Variants in CTIF observed in about 807,000 individuals in gnomAD.
CTIF encodes CBP80/20-dependent translation initiation factor.
CTIF carries 21 observed loss-of-function variants against 66.0 expected under a neutral mutation model. The ratio of observed to expected loss-of-function variants is 0.32; its 90% confidence interval spans 0.23 to 0.46. The LOEUF (loss-of-function observed/expected upper bound fraction) is 0.46. CTIF is among the 20% of genes least tolerant of loss of function. The pLI, the probability that CTIF is intolerant of heterozygous loss-of-function variation, is 1.00. For missense variants in CTIF, 739 were observed against 812.7 expected (o/e 0.91, Z 1.10); for synonymous variants, 345 against 326.4 (o/e 1.06, Z -0.62).
At chr18:48,595,176 C>T (rs569554332) in intron 1 of CTIF, among the ~76,000 whole-genome samples, 1 of 152,308 alleles carries the variant, frequency 6.6e-6, no homozygotes, top group African/African-American at 2.4e-5. Context: ...GGCACCTGGG[C>T]TTCTTGTGGC....
intron 3 of CTIF, among the ~76,000 whole-genome samples, chr18:48,647,672 C>G (rs1205796703): frequency 2.0e-5 from 3 of 152,162 alleles, no homozygotes; most frequent in Admixed American, 1.3e-4. Flanking sequence ...TTCCTCAGAA[C>G]CTTACATGGA....
At chr18:48,833,342 G>A (rs2068736310) in intron 10 of CTIF, among the ~76,000 whole-genome samples, 1 of 152,210 alleles carries the variant, frequency 6.6e-6, no homozygotes, top group Non-Finnish European at 1.5e-5. Flanking sequence ...TGGGAGGGTA[G>A]CCGTGTGGGC....
intron 7 of CTIF, among the ~76,000 whole-genome samples, chr18:48,719,859 A>G (rs2092316253): frequency 6.6e-6 from 1 of 152,196 alleles, no homozygotes; most frequent in Non-Finnish European, 1.5e-5. Flanking sequence ...TGCCTTCCGG[A>G]GAAAATGTGT....
At chr18:48,719,726 C>T (rs184000178) in intron 7 of CTIF, among the ~76,000 whole-genome samples, 266 of 152,288 alleles carry the variant, frequency 1.7e-3, no homozygotes, top group African/African-American at 6.2e-3. Flanking sequence ...TCTCATGGTT[C>T]TGTTTACTGC....
chr18:48,814,786 A>G (rs967128890), intron 9 of CTIF, among the ~76,000 whole-genome samples: 7 of 152,208 alleles, frequency 4.6e-5, no homozygotes, highest in African/African-American at 1.2e-4. Context: ...GAGAAGAGAC[A>G]AAGCTGTCAA....
At chr18:48,606,206 TC>T (rs2090197237) in intron 1 of CTIF, among the ~76,000 whole-genome samples, 5 of 152,174 alleles carry the variant, frequency 3.3e-5, no homozygotes, top group Admixed American at 3.3e-4. Flanking sequence ...TCCGTCCCTT[TC>T]CCCCTTCCTC....
At chr18:48,730,392 G>A (rs1208665972) in intron 7 of CTIF, among the ~76,000 whole-genome samples, 1 of 130,272 alleles carries the variant, frequency 7.7e-6, no homozygotes, top group Non-Finnish European at 1.7e-5. Flanking sequence ...GGCTCCTGCT[G>A]TGTGAGGGGC....
chr18:48,777,173 G>A (rs1409435778), intron 9 of CTIF, among the ~76,000 whole-genome samples: 2 of 152,086 alleles, frequency 1.3e-5, no homozygotes, highest in Admixed American at 6.5e-5. Context: ...CACCCGCCTG[G>A]CCCCATTTAC....
chr18:48,770,935 T>C (rs1910048834), intron 9 of CTIF, among the ~76,000 whole-genome samples: 1 of 152,106 alleles, frequency 6.6e-6, no homozygotes, highest in South Asian at 2.1e-4. Context: ...CTTCTAACTT[T>C]ATCCCATCCT....
At chr18:48,780,559 C>T (rs962020592) in intron 9 of CTIF, among the ~76,000 whole-genome samples, 7 of 152,150 alleles carry the variant, frequency 4.6e-5, no homozygotes, top group African/African-American at 1.7e-4. Context: ...TCTGCCGCGT[C>T]GGTTCATGCG....
intron 3 of CTIF, among the ~76,000 whole-genome samples, chr18:48,637,801 C>A (rs299720): frequency 0.29 from 44,171 of 151,796 alleles, 7,892 homozygotes; most frequent in African/African-American, 0.51. Flanking sequence ...ATAAGAGCCC[C>A]GGGGGTGGGG....
intron 1 of CTIF, among the ~76,000 whole-genome samples, chr18:48,603,252 G>A (rs1200061756): frequency 2.0e-5 from 3 of 150,784 alleles, no homozygotes; most frequent in African/African-American, 2.4e-5. Flanking sequence ...ATGGATGAAT[G>A]GATGGATGGA....
At chr18:48,809,245 C>G (rs901940943) in intron 9 of CTIF, among the ~76,000 whole-genome samples, 3 of 152,092 alleles carry the variant, frequency 2.0e-5, no homozygotes, top group African/African-American at 7.2e-5. Flanking sequence ...ATTAATTAGT[C>G]ACTGAACTCT....
At chr18:48,817,775 C>CA (rs112155073) in intron 10 of CTIF, among the ~76,000 whole-genome samples, 13,917 of 137,044 alleles carry the variant, frequency 0.1, 751 homozygotes, top group East Asian at 0.23. Flanking sequence ...ACTCGGTCTC[C>CA]AAAAAAAAAA....
chr18:48,629,597 C>T (rs299714), intron 2 of CTIF, among the ~76,000 whole-genome samples: 14,924 of 150,704 alleles, frequency 0.099, 787 homozygotes, highest in Non-Finnish European at 0.11. Flanking sequence ...ATTAAACCTA[C>T]AGCTCTTTCA....
At chr18:48,554,416 G>A (rs148063667) in intron 1 of CTIF, among the ~76,000 whole-genome samples, 26 of 152,342 alleles carry the variant, frequency 1.7e-4, no homozygotes, top group African/African-American at 6.0e-4. Context: ...TGTACCCAGC[G>A]GCCCTTGTCT....
intron 10 of CTIF, among the ~76,000 whole-genome samples, chr18:48,818,286 C>T (rs571901182): frequency 2.6e-5 from 4 of 152,100 alleles, no homozygotes; most frequent in Non-Finnish European, 5.9e-5. Flanking sequence ...GGAGTGAGGG[C>T]GAAGAGCACG....
At chr18:48,541,842 C>G (rs774611441) in intron 1 of CTIF, among the ~76,000 whole-genome samples, 5 of 151,786 alleles carry the variant, frequency 3.3e-5, no homozygotes, top group South Asian at 4.2e-4. Context: ...GAACCTCCCC[C>G]CTCCCCCGCC....
chr18:48,781,730 G>C (rs950136706), intron 9 of CTIF, among the ~76,000 whole-genome samples: 3 of 152,096 alleles, frequency 2.0e-5, no homozygotes, highest in Admixed American at 6.5e-5. Context: ...GAAAAGGGAG[G>C]GGGCATGGGG....
Sources: gnomAD v4.1 joint callset for allele counts (sites outside exome capture counted in the v4.1 genomes callset) on GRCh38, gnomAD v4.1.1 for gene constraint, MANE v1.5 for transcripts, NCBI Gene and HGNC (gene_info 2026-07-23, HGNC 2026-07-21) for gene names.